PPM1L: variants seen among roughly 807,000 people sequenced by gnomAD.
PPM1L encodes the protein protein phosphatase 1L.
Under a neutral mutation model 31.4 loss-of-function variants are expected in PPM1L, and 13 were observed. The observed-to-expected ratio is 0.41, with a 90% CI of 0.27 to 0.66. The LOEUF (loss-of-function observed/expected upper bound fraction) is 0.66. Ranked by LOEUF, PPM1L falls within the 30% of genes least tolerant of loss-of-function variation. PPM1L has a pLI of 0.29. For synonymous variants in PPM1L, 184 were observed against 175.4 expected (o/e 1.05, Z -0.39); for missense variants, 326 against 453.7 (o/e 0.72, Z 2.56).
chr3:160,823,252 T>C (rs1184552377), intron 1 of PPM1L, among the ~76,000 whole-genome samples: 3 of 152,110 alleles, frequency 2.0e-5, no homozygotes, highest in Admixed American at 1.3e-4. Flanking sequence ...TTCTTAATGT[T>C]CTTCTTGATC....
At chr3:160,937,478 G>A (rs2108084261) in intron 1 of PPM1L, among the ~76,000 whole-genome samples, 1 of 152,260 alleles carries the variant, frequency 6.6e-6, no homozygotes. Context: ...AAATTAGCCA[G>A]ACGTGGTGGT....
intron 1 of PPM1L, among the ~76,000 whole-genome samples, chr3:160,828,385 C>G (rs979546787): frequency 6.6e-6 from 1 of 152,064 alleles, no homozygotes; most frequent in African/African-American, 2.4e-5. Flanking sequence ...TGGTACTATC[C>G]TATGGAATTC....
At chr3:160,868,678 A>G (rs1255013941) in intron 1 of PPM1L, among the ~76,000 whole-genome samples, 3 of 150,746 alleles carry the variant, frequency 2.0e-5, no homozygotes, top group East Asian at 1.9e-4. Context: ...AGTAAAGTGG[A>G]CAGATTTTAA....
chr3:160,974,705 T>G (rs1716501739), intron 2 of PPM1L, among the ~76,000 whole-genome samples: 3 of 148,490 alleles, frequency 2.0e-5, no homozygotes, highest in Admixed American at 6.7e-5. Context: ...CTTTGCCCAC[T>G]TTTTGATGGG....
At chr3:160,879,754 AT>A (rs1712641178) in intron 1 of PPM1L, among the ~76,000 whole-genome samples, 1 of 152,156 alleles carries the variant, frequency 6.6e-6, no homozygotes, top group Admixed American at 6.5e-5. Flanking sequence ...AGAGTTTCTG[AT>A]TTTGTAAGTC....
At chr3:160,889,661 A>G (rs546429455) in intron 1 of PPM1L, among the ~76,000 whole-genome samples, 1 of 152,356 alleles carries the variant, frequency 6.6e-6, no homozygotes, top group East Asian at 1.9e-4. Context: ...TGAAGCCAGC[A>G]TCATCCTGAT....
intron 1 of PPM1L, among the ~76,000 whole-genome samples, chr3:160,815,691 T>C (rs1203046224): frequency 6.6e-6 from 1 of 152,182 alleles, no homozygotes; most frequent in Non-Finnish European, 1.5e-5. Context: ...ATTCTACCAT[T>C]AGAAATTATT....
chr3:160,809,684 G>A (rs147464297), intron 1 of PPM1L, among the ~76,000 whole-genome samples: 1 of 152,176 alleles, frequency 6.6e-6, no homozygotes, highest in Non-Finnish European at 1.5e-5. Context: ...GTCCTTGCTT[G>A]CTCTTACCAT....
chr3:160,986,420 T>C (rs1416976607), intron 2 of PPM1L, among the ~76,000 whole-genome samples: 1 of 152,154 alleles, frequency 6.6e-6, no homozygotes, highest in Non-Finnish European at 1.5e-5. Flanking sequence ...TTACACAATT[T>C]AGAGAACCCT....
intron 1 of PPM1L, among the ~76,000 whole-genome samples, chr3:160,846,455 C>T (rs1001949135): frequency 5.3e-5 from 8 of 152,064 alleles, no homozygotes; most frequent in Non-Finnish European, 1.2e-4. Context: ...CTTAAGTTTT[C>T]CAGTCATGCT....
intron 2 of PPM1L, among the ~76,000 whole-genome samples, chr3:161,029,146 A>G (rs1327866855): frequency 2.6e-5 from 4 of 152,224 alleles, no homozygotes; most frequent in Non-Finnish European, 5.9e-5. Flanking sequence ...GAAAGGGCAG[A>G]TATGGATTTG....
At chr3:160,958,461 T>A (rs952282217) in intron 1 of PPM1L, among the ~76,000 whole-genome samples, 2 of 152,224 alleles carry the variant, frequency 1.3e-5, no homozygotes, top group African/African-American at 2.4e-5. Flanking sequence ...CTATTTCCTG[T>A]ACCTCATAGG....
chr3:161,024,818 C>T (rs1283754573), intron 2 of PPM1L, among the ~76,000 whole-genome samples: 1 of 152,154 alleles, frequency 6.6e-6, no homozygotes, highest in Non-Finnish European at 1.5e-5. Flanking sequence ...ACCTCCTCAT[C>T]CCCTTTTCAT....
intron 2 of PPM1L, among the ~76,000 whole-genome samples, chr3:161,059,027 G>A (rs1224940212): frequency 6.6e-6 from 1 of 152,084 alleles, no homozygotes; most frequent in Non-Finnish European, 1.5e-5. Context: ...GGAGAATGTT[G>A]GTTTACAGGA....
At chr3:160,796,826 T>G (rs925283492) in intron 1 of PPM1L, among the ~76,000 whole-genome samples, 2 of 152,212 alleles carry the variant, frequency 1.3e-5, no homozygotes, top group Non-Finnish European at 2.9e-5. Context: ...AGGCACTTAG[T>G]AGGAATTCAA....
intron 2 of PPM1L, among the ~76,000 whole-genome samples, chr3:161,042,184 A>C (rs1409332507): frequency 1.3e-5 from 2 of 152,100 alleles, no homozygotes; most frequent in Non-Finnish European, 2.9e-5. Context: ...ACTGTAATAG[A>C]AATGTTGTTT....
At chr3:160,893,181 T>C (rs1445439615) in intron 1 of PPM1L, among the ~76,000 whole-genome samples, 4 of 152,202 alleles carry the variant, frequency 2.6e-5, no homozygotes, top group Non-Finnish European at 5.9e-5. Flanking sequence ...CCTCTCATCA[T>C]CAAATTGCAC....
chr3:161,004,774 A>T (rs1283067594), intron 2 of PPM1L, among the ~76,000 whole-genome samples: 3 of 149,944 alleles, frequency 2.0e-5, no homozygotes, highest in Non-Finnish European at 3.0e-5. Flanking sequence ...AATTTTGTTG[A>T]TCCTTTCAAA....
intron 1 of PPM1L, among the ~76,000 whole-genome samples, chr3:160,811,419 TG>T (rs1323336822): frequency 2.6e-5 from 4 of 152,246 alleles, no homozygotes; most frequent in Non-Finnish European, 4.4e-5. Context: ...GGCCAGTTTT[TG>T]TATAGCCTCA....
Sources: allele counts gnomAD v4.1 joint callset (sites outside exome capture counted in the v4.1 genomes callset), GRCh38; gene constraint gnomAD v4.1.1; transcripts MANE v1.5; gene names NCBI Gene and HGNC (gene_info 2026-07-23, HGNC 2026-07-21).